Variants in PXYLP1 observed in about 807,000 individuals in gnomAD.
PXYLP1 encodes acid phosphatase-like 2.
PXYLP1 carries 17 observed loss-of-function variants against 37.9 expected under a neutral mutation model. The ratio of observed to expected loss-of-function variants is 0.45; its 90% CI spans 0.31 to 0.67. The LOEUF (loss-of-function observed/expected upper bound fraction) is 0.67, where lower values mean the gene tolerates loss of function less well. Among genes scored for constraint, PXYLP1 ranks in the 30% least tolerant of loss-of-function variants. The pLI is 0.07. For missense variants in PXYLP1, 511 were observed against 612.0 expected (o/e 0.84, Z 1.74); for synonymous variants, 221 against 232.2 (o/e 0.95, Z 0.44).
intron 2 of PXYLP1, among the ~76,000 whole-genome samples, chr3:141,265,771 G>A (rs1420471723): frequency 6.6e-6 from 1 of 152,206 alleles, no homozygotes; most frequent in Non-Finnish European, 1.5e-5. Context: ...TCTGGGATAA[G>A]TCTGCCATAG....
intron 1 of PXYLP1, among the ~76,000 whole-genome samples, chr3:141,246,788 C>A (rs1483498407): frequency 1.3e-5 from 2 of 152,208 alleles, no homozygotes; most frequent in African/African-American, 4.8e-5. Context: ...AAACTTGGTG[C>A]CTTAAAACAG....
At chr3:141,239,339 G>A (rs568981297) in intron 1 of PXYLP1, among the ~76,000 whole-genome samples, 25 of 152,300 alleles carry the variant, frequency 1.6e-4, no homozygotes, top group African/African-American at 5.8e-4. Context: ...ATGGTCGAAG[G>A]TCATGGCATG....
At chr3:141,239,935 A>G (rs1940755492) in intron 1 of PXYLP1, among the ~76,000 whole-genome samples, 1 of 152,240 alleles carries the variant, frequency 6.6e-6, no homozygotes, top group South Asian at 2.1e-4. Context: ...AACAGGCCTC[A>G]ATAAAAGTTG....
chr3:141,285,521 CA>C lies in PXYLP1; in HGVS notation c.366-1791del, dbSNP rs1222348138. ...CCAAAAACAAACAACACAACAACAA[CA>C]ACAAAAAAAAACAAAAATAAAAAAC... On this transcript the variant is annotated intron_variant, in intron 4 of 5. Transcript: ENST00000286353. 5.3e-5 allele frequency among the ~76,000 whole-genome samples: 8 copies of C among 150,942 alleles called. No individual in the cohort carries two copies. In the South Asian group the frequency reaches 6.3e-4, roughly 12 times the overall value.
chr3:141,293,244 C>G lies in PXYLP1; in HGVS notation c.*39C>G. On this transcript the variant is annotated 3_prime_UTR_variant, in exon 6 of 6. Transcript: ENST00000286353. ...CAGCAGTATAGAATCCATGCCAATACAGAGCATAGGGAAAGGTCCACTTCT... is the reference window on the plus strand; with the variant it reads ...CAGCAGTATAGAATCCATGCCAATAGAGAGCATAGGGAAAGGTCCACTTCT... 6.4e-7 allele frequency: 1 copy of G among 1,558,920 alleles called. No homozygotes were observed. The highest frequency in any genetic ancestry group is 1.2e-5 in the South Asian group (1 of 83,054).
intron 1 of PXYLP1, among the ~76,000 whole-genome samples, chr3:141,247,090 T>A (rs1291059823): frequency 1.3e-5 from 2 of 152,184 alleles, no homozygotes; most frequent in Non-Finnish European, 2.9e-5. Context: ...TCAGGTTCAT[T>A]CTTGGGGAGC....
chr3:141,263,436 A>G (rs544981323), intron 2 of PXYLP1, among the ~76,000 whole-genome samples: 25 of 152,340 alleles, frequency 1.6e-4, no homozygotes, highest in Non-Finnish European at 2.6e-4. Context: ...TTTGAATTGT[A>G]GAAGGGAACA....
At chr3:141,255,099 A>C (rs987732145) in intron 1 of PXYLP1, among the ~76,000 whole-genome samples, 3 of 152,224 alleles carry the variant, frequency 2.0e-5, no homozygotes, top group African/African-American at 7.2e-5. Context: ...TTCATAATGT[A>C]ATGGGAACTG....
At chr3:141,246,922 C>T (rs1160257827) in intron 1 of PXYLP1, among the ~76,000 whole-genome samples, 1 of 152,232 alleles carries the variant, frequency 6.6e-6, no homozygotes, top group African/African-American at 2.4e-5. Flanking sequence ...TTTTTGAGCA[C>T]TTCAGCCTTG....
intron 4 of PXYLP1, among the ~76,000 whole-genome samples, chr3:141,286,740 CCTT>C (rs1487486813): frequency 1.1e-4 from 17 of 152,272 alleles, no homozygotes; most frequent in African/African-American, 4.1e-4. Flanking sequence ...TTAAATCAAT[CCTT>C]CTGGTGGTGG....
chr3:141,262,679 C>A (rs908299184), intron 2 of PXYLP1: 2 of 1,532,646 alleles, frequency 1.3e-6, no homozygotes, highest in African/African-American at 2.7e-5. Context: ...CGTTGGAGAT[C>A]GGAAAGATAT....
chr3:141,248,536 T>C (rs943589481), intron 1 of PXYLP1, among the ~76,000 whole-genome samples: 7 of 148,216 alleles, frequency 4.7e-5, no homozygotes, highest in South Asian at 2.2e-4. Flanking sequence ...CGTATATATA[T>C]ACACACACGT....
rs116760031 is a variant in PXYLP1, at chr3:141,269,188, T to G, written c.79+8934T>G. Among the ~76,000 whole-genome samples the G allele has an allele frequency of 1.5e-3, 235 of 152,354 alleles. 1 individual carries two copies. The highest frequency in any genetic ancestry group is 5.4e-3 in the African/African-American group (225 of 41,586). ...CCACCCTCAAGGACAGGTTGCTGGT[T>G]TGGTGGCCTCAGTGGGTTGCAGACC... On this transcript the variant is annotated intron_variant, in intron 2 of 5. Transcript: ENST00000286353.
At chr3:141,291,224 G>A (rs1434079303) in intron 5 of PXYLP1, among the ~76,000 whole-genome samples, 3 of 152,036 alleles carry the variant, frequency 2.0e-5, no homozygotes, top group Non-Finnish European at 4.4e-5. Flanking sequence ...GGTGTCACTG[G>A]TCACAGGGCC....
At chr3:141,270,511 G>A (rs1043365032) in intron 2 of PXYLP1, among the ~76,000 whole-genome samples, 1 of 152,256 alleles carries the variant, frequency 6.6e-6, no homozygotes, top group Non-Finnish European at 1.5e-5. Context: ...TTAGTGGGTT[G>A]AGGAGCACTA....
intron 1 of PXYLP1, among the ~76,000 whole-genome samples, chr3:141,251,992 G>A (rs1305614134): frequency 2.0e-5 from 3 of 152,128 alleles, no homozygotes; most frequent in South Asian, 2.1e-4. Context: ...TTAACCCCAC[G>A]ACTCCCTCCC....
chr3:141,272,328 T>C (rs1259884290), intron 2 of PXYLP1, among the ~76,000 whole-genome samples: 2 of 152,184 alleles, frequency 1.3e-5, no homozygotes, highest in African/African-American at 4.8e-5. Flanking sequence ...CCTAGCAACC[T>C]GTGCTGTTAT....
At chr3:141,281,017 C>A (rs1467336204) in intron 4 of PXYLP1, among the ~76,000 whole-genome samples, 2 of 152,194 alleles carry the variant, frequency 1.3e-5, no homozygotes, top group Admixed American at 6.5e-5. Context: ...TTTTAACCCT[C>A]ATAGTATTAC....
intron 1 of PXYLP1, among the ~76,000 whole-genome samples, chr3:141,245,166 C>T (rs1042969264): frequency 6.6e-6 from 1 of 150,676 alleles, no homozygotes; most frequent in Non-Finnish European, 1.5e-5. Flanking sequence ...TCTCCTGCCT[C>T]AGCCTCCCAG....
Sources: allele counts gnomAD v4.1 joint callset (sites outside exome capture counted in the v4.1 genomes callset), GRCh38; gene constraint gnomAD v4.1.1; transcripts MANE v1.5; gene names NCBI Gene and HGNC (gene_info 2026-07-23, HGNC 2026-07-21).